The following ADGRL2 variants were observed in gnomAD, a reference collection of about 807,000 sequenced individuals.
ADGRL2 encodes calcium-independent alpha-latrotoxin receptor 2.
Under a neutral mutation model 157.4 loss-of-function variants are expected in ADGRL2, and 44 were observed. That is an observed-to-expected ratio of 0.28 (90% CI 0.22 to 0.36). The LOEUF (loss-of-function observed/expected upper bound fraction) is 0.36, where lower values mean the gene tolerates loss of function less well. Among genes scored for constraint, ADGRL2 ranks in the 10% least tolerant of loss-of-function variants. ADGRL2 has a pLI of 1.00. For synonymous variants in ADGRL2, 585 were observed against 624.7 expected, an observed-to-expected ratio of 0.94 and a Z score of 0.95; for missense variants, 1,510 against 1,768.9, an observed-to-expected ratio of 0.85 and a Z score of 2.63.
intron 1 of ADGRL2, among the ~76,000 whole-genome samples, chr1:81,431,905 T>C (rs2077329072): frequency 6.6e-6 from 1 of 152,196 alleles, no homozygotes; most frequent in South Asian, 2.1e-4. Flanking sequence ...CACCACACAA[T>C]TGGGCTTTTT....
intron 1 of ADGRL2, among the ~76,000 whole-genome samples, chr1:81,307,072 T>C (rs12121384): frequency 0.42 from 64,402 of 152,170 alleles, 14,396 homozygotes; most frequent in Middle Eastern, 0.51. Flanking sequence ...TACTAGGCTA[T>C]GCAGAAGTAT....
chr1:81,700,203 T>A (rs1240833580), intron 1 of ADGRL2, among the ~76,000 whole-genome samples: 3 of 152,236 alleles, frequency 2.0e-5, no homozygotes, highest in Non-Finnish European at 2.9e-5. Context: ...GCTCTGAAGA[T>A]GTCTTTTCAA....
intron 2 of ADGRL2, among the ~76,000 whole-genome samples, chr1:81,487,102 A>AG (rs1178516693): frequency 7.2e-6 from 1 of 138,926 alleles, no homozygotes; most frequent in African/African-American, 2.8e-5. Flanking sequence ...AAAAAAAAAA[A>AG]AAAAAAAGAA....
chr1:81,322,087 C>CAT (rs148181887), intron 1 of ADGRL2, among the ~76,000 whole-genome samples: 14,186 of 112,086 alleles, frequency 0.13, 1,306 homozygotes, highest in East Asian at 0.25. Flanking sequence ...AGGACTAATT[C>CAT]ATATATATAT....
chr1:81,417,043 T>C (rs1280375158), intron 1 of ADGRL2, among the ~76,000 whole-genome samples: 1 of 152,208 alleles, frequency 6.6e-6, no homozygotes, highest in East Asian at 1.9e-4. Flanking sequence ...AAGAAAATTT[T>C]ATTTTCATGC....
At chr1:81,319,280 TG>T (rs1446476754) in intron 1 of ADGRL2, among the ~76,000 whole-genome samples, 1 of 152,162 alleles carries the variant, frequency 6.6e-6, no homozygotes, top group Non-Finnish European at 1.5e-5. Flanking sequence ...GATGCTCACT[TG>T]TTTGTTTGAA....
intron 2 of ADGRL2, among the ~76,000 whole-genome samples, chr1:81,568,067 A>G (rs12145509): frequency 0.094 from 14,322 of 152,062 alleles, 862 homozygotes; most frequent in African/African-American, 0.16. Context: ...TTCGAAAAAA[A>G]AATCTAGAAT....
At chr1:81,827,127 T>C (rs2091559410) in intron 1 of ADGRL2, among the ~76,000 whole-genome samples, 1 of 152,142 alleles carries the variant, frequency 6.6e-6, no homozygotes, top group South Asian at 2.1e-4. Context: ...TTCAAAGAAA[T>C]GTTTGCATTT....
chr1:81,841,559 A>T (rs562571819), intron 2 of ADGRL2, among the ~76,000 whole-genome samples: 62 of 152,210 alleles, frequency 4.1e-4, no homozygotes, highest in Non-Finnish European at 7.2e-4. Context: ...TTTAAGAAAG[A>T]TTAATGTAAT....
intron 2 of ADGRL2, among the ~76,000 whole-genome samples, chr1:81,528,692 C>T (rs925527688): frequency 4.0e-5 from 6 of 150,504 alleles, no homozygotes; most frequent in Non-Finnish European, 8.9e-5. Flanking sequence ...GAAACTGGCC[C>T]TTATTCATAT....
intron 1 of ADGRL2, among the ~76,000 whole-genome samples, chr1:81,707,346 C>T (rs1407648171): frequency 6.6e-6 from 1 of 152,084 alleles, no homozygotes. Context: ...ACCCACTGTT[C>T]ATGGCCTATT....
chr1:81,658,750 G>A (rs1268210543), intron 3 of ADGRL2, among the ~76,000 whole-genome samples: 1 of 151,882 alleles, frequency 6.6e-6, no homozygotes, highest in African/African-American at 2.4e-5. Flanking sequence ...ATGCCTGCTA[G>A]TTCCTTTTTT....
chr1:81,964,166 CTAAT>C (rs1292997765), intron 11 of ADGRL2, among the ~76,000 whole-genome samples: 1 of 151,722 alleles, frequency 6.6e-6, no homozygotes, highest in Non-Finnish European at 1.5e-5. Flanking sequence ...TTTTTAAACT[CTAAT>C]AAGTAAATTT....
chr1:81,470,616 T>A (rs2078151528), intron 2 of ADGRL2, among the ~76,000 whole-genome samples: 1 of 152,214 alleles, frequency 6.6e-6, no homozygotes, highest in South Asian at 2.1e-4. Context: ...AAACATTTTT[T>A]AAAGTCAAAG....
At chr1:81,910,270 A>ATAC (rs925172040) in intron 3 of ADGRL2, among the ~76,000 whole-genome samples, 1 of 150,116 alleles carries the variant, frequency 6.7e-6, no homozygotes, top group African/African-American at 2.4e-5. Context: ...AATAATAATA[A>ATAC]TAATACTACA....
At chr1:81,501,678 G>A in intron 2 of ADGRL2, 1 of 1,534,832 alleles carries the variant, frequency 6.5e-7, no homozygotes, top group South Asian at 1.2e-5. Flanking sequence ...CGAAAACCCG[G>A]AGTGCCCCGC....
At chr1:81,798,106 C>A (rs978214648), upstream of ADGRL2, among the ~76,000 whole-genome samples, 1 of 152,134 alleles carries the variant, frequency 6.6e-6, no homozygotes, top group African/African-American at 2.4e-5. Context: ...TCCAACTCTC[C>A]TTAACTTGCA....
chr1:81,558,574 G>A (rs1034914878), intron 2 of ADGRL2, among the ~76,000 whole-genome samples: 1 of 151,838 alleles, frequency 6.6e-6, no homozygotes, highest in Non-Finnish European at 1.5e-5. Flanking sequence ...CATTCTTCAT[G>A]CAACCTTTCA....
intron 3 of ADGRL2, among the ~76,000 whole-genome samples, chr1:81,692,049 C>T (rs1223778381): frequency 6.6e-6 from 1 of 151,366 alleles, no homozygotes; most frequent in African/African-American, 2.4e-5. Flanking sequence ...CACACACATG[C>T]ACAAATAAGC....
Sources: allele counts gnomAD v4.1 joint callset (sites outside exome capture counted in the v4.1 genomes callset), GRCh38; gene constraint gnomAD v4.1.1; transcripts MANE v1.5; gene names NCBI Gene and HGNC (gene_info 2026-07-23, HGNC 2026-07-21).